Variants in SOX6 observed in about 807,000 individuals in gnomAD.
The protein encoded by SOX6 is transcription factor SOX-6.
SOX6 carries 11 observed loss-of-function variants against 97.8 expected under a neutral mutation model. That is an observed-to-expected ratio of 0.11 (90% confidence interval 0.07 to 0.19). The LOEUF is 0.19. Ranked by LOEUF, SOX6 falls within the 10% of genes least tolerant of loss-of-function variation. SOX6 has a pLI of 1.00. For missense variants in SOX6, 810 were observed against 1,039.5 expected (o/e 0.78, Z 3.04); for synonymous variants, 360 against 371.4 (o/e 0.97, Z 0.35).
chr11:16,221,425 T>C (rs941833957), intron 4 of SOX6, among the ~76,000 whole-genome samples: 1 of 151,248 alleles, frequency 6.6e-6, no homozygotes, highest in Non-Finnish European at 1.5e-5. Context: ...GTCTATGTGA[T>C]GAAATGAGAA....
chr11:16,039,558 T>C (rs1855602954), intron 12 of SOX6, among the ~76,000 whole-genome samples: 1 of 152,074 alleles, frequency 6.6e-6, no homozygotes, highest in South Asian at 2.1e-4. Flanking sequence ...CTCTCTTGAA[T>C]GTACGATGGA....
At chr11:16,507,841 G>C (rs1220216693) in intron 4 of SOX6, among the ~76,000 whole-genome samples, 2 of 152,130 alleles carry the variant, frequency 1.3e-5, no homozygotes, top group African/African-American at 4.8e-5. Flanking sequence ...TTATGGCTAA[G>C]ACTTCAAAAG....
intron 4 of SOX6, among the ~76,000 whole-genome samples, chr11:16,601,220 T>A (rs750760300): frequency 6.6e-6 from 1 of 152,294 alleles, no homozygotes; most frequent in African/African-American, 2.4e-5. Context: ...AATAACTTGA[T>A]TAATTTTTTA....
At chr11:16,559,162 C>T (rs1171172302) in intron 4 of SOX6, among the ~76,000 whole-genome samples, 1 of 151,996 alleles carries the variant, frequency 6.6e-6, no homozygotes, top group African/African-American at 2.4e-5. Context: ...GGAAGACTGA[C>T]TTAATGTATA....
intron 2 of SOX6, among the ~76,000 whole-genome samples, chr11:16,721,614 CCTCCCTCTCTCT>C (rs1848267339): frequency 8.2e-5 from 3 of 36,706 alleles, no homozygotes; most frequent in Non-Finnish European, 1.5e-4. Context: ...TCCCTCCCTC[CCTCCCTCTCTCT>C]CTCTCTCTCT....
At chr11:16,558,216 A>G (rs1218558704) in intron 4 of SOX6, among the ~76,000 whole-genome samples, 1 of 151,874 alleles carries the variant, frequency 6.6e-6, no homozygotes, top group Non-Finnish European at 1.5e-5. Context: ...GCTGGCAAAA[A>G]CTTTAAGATA....
At chr11:16,033,427 G>A (rs1051420036) in intron 12 of SOX6, among the ~76,000 whole-genome samples, 2 of 152,108 alleles carry the variant, frequency 1.3e-5, no homozygotes, top group Non-Finnish European at 2.9e-5. Flanking sequence ...TTTGGATTTA[G>A]ACATGACCGA....
chr11:15,999,193 A>G lies in SOX6; in HGVS notation c.1733-9963T>C, dbSNP rs79909886. The stretch of plus-strand genomic sequence containing the variant: ...TCAGGAAAATGCAAATTGAAACCAC[A>G]ATGAGATGCATTTCACTGGAATGGC... On this transcript the variant is annotated intron_variant, in intron 13 of 15. Coordinates refer to ENST00000683767, the MANE Select transcript of SOX6 (RefSeq NM_001367873.1). Among the ~76,000 whole-genome samples, 43 of 152,268 alleles carry G rather than the reference A, an allele frequency of 2.8e-4. No individual in the cohort carries two copies. The East Asian group carries it at 5.6e-3, about 20-fold the overall frequency.
At chr11:16,411,617 C>G (rs540587563) in intron 1 of SOX6, among the ~76,000 whole-genome samples, 180 of 152,174 alleles carry the variant, frequency 1.2e-3, no homozygotes, top group African/African-American at 4.3e-3. Context: ...AAACTATCAA[C>G]CTAGTCTTTA....
chr11:16,707,049 A>T (rs1417200063), intron 3 of SOX6, among the ~76,000 whole-genome samples: 1 of 152,168 alleles, frequency 6.6e-6, no homozygotes, highest in African/African-American at 2.4e-5. Context: ...TAATGAGTGG[A>T]TCTTAAAGGC....
chr11:16,408,470 C>G (rs958226436), intron 1 of SOX6, among the ~76,000 whole-genome samples: 1 of 152,142 alleles, frequency 6.6e-6, no homozygotes, highest in African/African-American at 2.4e-5. Flanking sequence ...TATATCTCAT[C>G]TGGTACATAG....
chr11:16,031,022 T>A (rs1190709172), intron 12 of SOX6, among the ~76,000 whole-genome samples: 1 of 152,132 alleles, frequency 6.6e-6, no homozygotes, highest in Admixed American at 6.5e-5. Context: ...GCCATTAGCA[T>A]CTTATAAATT....
At chr11:16,574,172 A>C (rs574087947) in intron 4 of SOX6, among the ~76,000 whole-genome samples, 1 of 152,296 alleles carries the variant, frequency 6.6e-6, no homozygotes, top group East Asian at 1.9e-4. Context: ...CAAAGGGCCA[A>C]GAAGTATCAA....
rs1470025488 is a variant in SOX6 at position 15,967,194 on chromosome 11, T to G, written c.*5615A>C. On this transcript the variant is annotated 3_prime_UTR_variant, in exon 16 of 16. Transcript: ENST00000683767. ...GTAGGTACCTGCATTATACATAGAA[T>G]TTCTACAAAGAAAATCTGCAGTTAA... 6.6e-6 allele frequency: 1 copy of G among 152,180 alleles called. No individual in the cohort carries two copies. The highest frequency in any genetic ancestry group is 2.4e-5 in the African/African-American group (1 of 41,448). 9.4% of individuals were successfully genotyped at this position (152,180 alleles called of 1,614,324 possible). A position where few individuals can be genotyped will look rare whatever the true frequency, so the allele number is the denominator to read the frequency against.
At position 16,299,331 on chromosome 11, in the gene SOX6, C is replaced by T. The variant is rs549176804; in HGVS notation, c.445+19115G>A. Among the ~76,000 whole-genome samples, 16 of 152,166 alleles carry T rather than the reference C, an allele frequency of 1.1e-4. No homozygotes were observed. The East Asian group carries it at 1.7e-3, about 17-fold the overall frequency. On this transcript the variant is annotated intron_variant, in intron 3 of 15. Coordinates refer to ENST00000683767, the MANE Select transcript of SOX6 (RefSeq NM_001367873.1). Reference sequence around the variant, plus strand: ...ATTTTATCCCAAGTGATCACAGGCACGACCAAGCAATTATTTAGAAAGCTG... The same window carrying T: ...ATTTTATCCCAAGTGATCACAGGCATGACCAAGCAATTATTTAGAAAGCTG...
At chr11:16,277,340 T>C (rs914006375) in intron 3 of SOX6, among the ~76,000 whole-genome samples, 2 of 152,082 alleles carry the variant, frequency 1.3e-5, no homozygotes. Flanking sequence ...GATGCCAGGA[T>C]GCAGGGAGAA....
At chr11:16,185,942 G>T (rs1040608487) in intron 5 of SOX6, among the ~76,000 whole-genome samples, 5 of 152,050 alleles carry the variant, frequency 3.3e-5, no homozygotes, top group African/African-American at 1.2e-4. Context: ...TAACTGAAAA[G>T]ATAATTCCAG....
At chr11:16,709,827 A>T (rs1030622865) in intron 3 of SOX6, among the ~76,000 whole-genome samples, 5 of 152,230 alleles carry the variant, frequency 3.3e-5, no homozygotes, top group African/African-American at 1.2e-4. Flanking sequence ...AAGTCTAAAA[A>T]ACAATTGATG....
chr11:16,072,576 C>T (rs984602822), intron 9 of SOX6, among the ~76,000 whole-genome samples: 5 of 152,130 alleles, frequency 3.3e-5, no homozygotes, highest in South Asian at 2.1e-4. Flanking sequence ...GGCCAAAATT[C>T]GAATCCAGGA....
Sources: allele counts gnomAD v4.1 joint callset (sites outside exome capture counted in the v4.1 genomes callset), GRCh38; gene constraint gnomAD v4.1.1; transcripts MANE v1.5; gene names NCBI Gene and HGNC (gene_info 2026-07-23, HGNC 2026-07-21).